The following ZBTB3 variants were observed in gnomAD, a reference collection of about 807,000 sequenced individuals.
The protein encoded by ZBTB3 is zinc finger and BTB domain containing 3, also known as zinc finger and BTB domain-containing protein 3.
Under a neutral mutation model 30.6 loss-of-function variants are expected in ZBTB3, and 15 were observed. That is an observed-to-expected ratio of 0.49 (90% CI 0.33 to 0.75). The LOEUF (loss-of-function observed/expected upper bound fraction) is 0.75. Among genes scored for constraint, ZBTB3 ranks in the 30% least tolerant of loss-of-function variants. The pLI is 0.02. For missense variants in ZBTB3, 599 were observed against 652.1 expected (o/e 0.92, Z 0.89); for synonymous variants, 258 against 261.7 (o/e 0.99, Z 0.14).
Position 62,752,037 on chromosome 11 carries a change from C to T in ZBTB3, c.*53G>A, listed in dbSNP as rs750065665. 85 of 1,517,116 alleles carry T rather than the reference C, an allele frequency of 5.6e-5. No individual in the cohort carries two copies. Among genetic ancestry groups the T allele is most frequent in the Non-Finnish European group, 6.9e-5 (78 of 1,130,852 alleles). 94.0% of individuals were successfully genotyped at this position (1,517,116 alleles called of 1,614,324 possible). A position where few individuals can be genotyped will look rare whatever the true frequency, so the allele number is the denominator to read the frequency against. ...GGGGTGATAAGGTGCCACCAACCTT[C>T]TGAGCTGCCATCTAAGGATGGTAAG... On this transcript the variant is annotated 3_prime_UTR_variant, in exon 2 of 2. Coordinates refer to ENST00000394807, the MANE Select transcript of ZBTB3 (RefSeq NM_001370809.1).
chr11:62,753,222 C>T lies in ZBTB3; in HGVS notation c.443G>A (p.Ser148Asn). ...SQLPSLEFLSSTSRGTQPSLA... is the reference protein window; with the variant it reads ...SQLPSLEFLSNTSRGTQPSLA... ...CGAAGGTTGGGTGCCACGGGAAGTA[C>T]TAGACAAAAACTCCAAACTAGGAAG... is the stretch of plus-strand genomic sequence containing the variant. Residue 148 changes from serine to asparagine, a missense_variant, in exon 2 of 2, where the codon AGT becomes AAT. By Grantham distance (46) the Ser-to-Asn change is conservative. Transcript: ENST00000394807. 1 of 1,614,184 alleles carries T rather than the reference C, an allele frequency of 6.2e-7. No homozygotes were observed. The highest frequency in any genetic ancestry group is 8.5e-7 in the Non-Finnish European group (1 of 1,180,032).
Position 62,752,556 on chromosome 11 carries a change from T to G in ZBTB3, c.1109A>C (p.His370Pro). ...PSDHFLPTDP[H>P]LPYHLLPGAG... ...ACCTGGCAGCAGATGGTAGGGTAGA[T>G]GAGGGTCTGTTGGCAGGAAGTGGTC... The change falls in exon 2 of 2, where the codon CAT becomes CCT. Residue 370 changes from histidine (H) to proline (P), a missense_variant. Coordinates refer to ENST00000394807, the MANE Select transcript of ZBTB3 (RefSeq NM_001370809.1). 2 of 1,614,152 alleles carry G rather than the reference T, an allele frequency of 1.2e-6. No homozygotes were observed. Among genetic ancestry groups the G allele is most frequent in the Non-Finnish European group, 1.7e-6 (2 of 1,180,032 alleles).
rs1055628769 is a variant in ZBTB3, at chr11:62,751,332, G to C, written c.*758C>G. 6.6e-6 allele frequency: 1 copy of C among 151,884 alleles called. No individual in the cohort carries two copies. The highest frequency in any genetic ancestry group is 1.5e-5 in the Non-Finnish European group (1 of 68,040). The allele number at this position is 151,884 out of a possible 1,614,324, so 9.4% of individuals were successfully genotyped here. On this transcript the variant is annotated 3_prime_UTR_variant, in exon 2 of 2. Transcript: ENST00000394807. ...AAGAGAATCGCTTGAGGCCAGGCAC[G>C]GTGGCTCAAGCCTGTAATCCCAGCA...
Position 62,752,668 on chromosome 11 carries a change from C to T in ZBTB3, c.997G>A (p.Gly333Arg). Reference protein sequence around the residue: ...PQGPERAFPSGGAVYGAQPSQ... With the variant: ...PQGPERAFPSRGAVYGAQPSQ... ...GGCTGTGCCCCATACACTGCTCCTC[C>T]AGATGGGAAAGCTCTCTCAGGACCC... Residue 333 changes from glycine (G) to arginine (R), a missense_variant, in exon 2 of 2, where the codon GGA (glycine) becomes AGA (arginine). By Grantham distance (125) the Gly-to-Arg change is moderately radical. Transcript: ENST00000394807. The T allele has an allele frequency of 1.9e-6, 3 of 1,614,210 alleles. No individual in the cohort carries two copies. Among genetic ancestry groups the T allele is most frequent in the Non-Finnish European group, 2.5e-6 (3 of 1,180,038 alleles).
chr11:62,753,876 A>T, intron 1 of ZBTB3, 88 bp downstream of exon 1: 1 of 1,577,162 alleles, frequency 6.3e-7, no homozygotes. Context: ...ACCTCGGCCT[A>T]ACCTTAGAAC....
At position 62,752,286 on chromosome 11, in the gene ZBTB3, G is replaced by A. The variant is rs2084019910; in HGVS notation, c.1379C>T (p.Thr460Met). The A allele has an allele frequency of 6.2e-7, 1 of 1,614,170 alleles. No individual in the cohort carries two copies. The highest frequency in any genetic ancestry group is 8.5e-7 in the Non-Finnish European group (1 of 1,180,032). ...GTGGCGGTAGAGGTCCCCTGACTGCGTGTAGCTCCGCAGGCAGTAGCGGCA... is the reference window on the plus strand; with the variant it reads ...GTGGCGGTAGAGGTCCCCTGACTGCATGTAGCTCCGCAGGCAGTAGCGGCA... ...YECRYCLRSY[T>M]QSGDLYRHIR... The change falls in exon 2 of 2, where the codon ACG (threonine) becomes ATG (methionine). Residue 460 changes from threonine to methionine, a missense_variant. Thr to Met is a moderately conservative substitution (Grantham distance 81). Coordinates refer to ENST00000394807, the MANE Select transcript of ZBTB3 (RefSeq NM_001370809.1).
chr11:62,752,333 G>A lies in ZBTB3; in HGVS notation c.1332C>T (p.His444=), dbSNP rs1321966472. The A allele has an allele frequency of 5.0e-6, 8 of 1,614,072 alleles. No individual in the cohort carries two copies. Among genetic ancestry groups the A allele is most frequent in the Non-Finnish European group, 6.8e-6 (8 of 1,180,046 alleles). ...SYTLRRHATV[H]TRERPYECRY... Reference sequence around the variant, plus strand: ...GGCACTCATAGGGTCGCTCACGTGTGTGCACCGTGGCATGTCGCCGTAGTG... The same window carrying A: ...GGCACTCATAGGGTCGCTCACGTGTATGCACCGTGGCATGTCGCCGTAGTG... Residue 444 remains histidine, a synonymous_variant, in exon 2 of 2, where the codon CAC becomes CAT. Transcript: ENST00000394807.
At position 62,753,960 on chromosome 11, in the gene ZBTB3, C is replaced by G; in HGVS notation, c.-52+4G>C. The G allele has an allele frequency of 1.2e-6, 2 of 1,614,004 alleles. No homozygotes were observed. Among genetic ancestry groups the G allele is most frequent in the Non-Finnish European group, 1.7e-6 (2 of 1,179,986 alleles). ...TAGCCACCCTCCGCTTCCTTGATGC[C>G]CACCCGGTAGCGTCCAACGGCTCCA... On this transcript the variant is annotated splice_donor_region_variant and intron_variant, in intron 1 of 1. Transcript: ENST00000394807.
Position 62,753,431 on chromosome 11 carries a change from C to G in ZBTB3, c.234G>C (p.Leu78=). The change falls in exon 2 of 2, where the codon CTG becomes CTC. Residue 78 remains leucine (L), a synonymous_variant. Coordinates refer to ENST00000394807, the MANE Select transcript of ZBTB3 (RefSeq NM_001370809.1). ...GGCCAGCATACATAAAGTCCAGAAG[C>G]AGCCCAAAGGCTGGGGCTGTGACAA... ...NEIVTAPAFG[L]LLDFMYAGQL... 8 of 1,614,196 alleles carry G rather than the reference C, an allele frequency of 5.0e-6. No homozygotes were observed. Among genetic ancestry groups the G allele is most frequent in the Non-Finnish European group, 6.8e-6 (8 of 1,180,036 alleles).
chr11:62,754,160 C>T lies in ZBTB3; in HGVS notation c.-248G>A. On this transcript the variant is annotated 5_prime_UTR_variant, in exon 1 of 2. Coordinates refer to ENST00000394807, the MANE Select transcript of ZBTB3 (RefSeq NM_001370809.1). ...CACCGAGCAGCCACAGGGCGAGCTC[C>T]GCCCCTTCCCACCTTCTCAGCTTTA... 1 of 1,179,950 alleles carries T rather than the reference C, an allele frequency of 8.5e-7. No individual in the cohort carries two copies. The highest frequency in any genetic ancestry group is 1.3e-6 in the Non-Finnish European group (1 of 793,398). The allele number at this position is 1,179,950 out of a possible 1,614,324, so 73.1% of individuals were successfully genotyped here. A position where few individuals can be genotyped will look rare whatever the true frequency, so the allele number is the denominator to read the frequency against.
Position 62,752,622 on chromosome 11 carries a change from T to C in ZBTB3, c.1043A>G (p.Glu348Gly). 6.2e-7 allele frequency: 1 copy of C among 1,614,198 alleles called. No homozygotes were observed. Among genetic ancestry groups the C allele is most frequent in the Admixed American group, 1.7e-5 (1 of 60,010 alleles). ...CTCCAGTCCTGCTGCCCCTGGGTCT[T>C]CAAAAGCCTCTGGCTGGGAGGGCTG... ...GAQPSQPEAF[E>G]DPGAAGLEEV... Residue 348 changes from glutamate to glycine, a missense_variant, in exon 2 of 2, where the codon GAA (glutamate) becomes GGA (glycine). Coordinates refer to ENST00000394807, the MANE Select transcript of ZBTB3 (RefSeq NM_001370809.1).
Position 62,751,858 on chromosome 11 carries a change from C to G in ZBTB3, c.*232G>C, listed in dbSNP as rs189298672. The G allele has an allele frequency of 4.8e-4, 165 of 345,286 alleles. No individual in the cohort carries two copies. Among genetic ancestry groups the G allele is most frequent in the Non-Finnish European group, 7.8e-4 (151 of 192,386 alleles). 21.4% of individuals were successfully genotyped at this position (345,286 alleles called of 1,614,324 possible). On this transcript the variant is annotated 3_prime_UTR_variant, in exon 2 of 2. Coordinates refer to ENST00000394807, the MANE Select transcript of ZBTB3 (RefSeq NM_001370809.1). The stretch of plus-strand genomic sequence containing the variant: ...GCTGAGGCAGGAGAATGGCGTGAAT[C>G]GGGGAGGCTGAGCTTGCAGTGAGCC...
Position 62,753,405 on chromosome 11 carries a change from T to A in ZBTB3, c.260A>T (p.Gln87Leu), listed in dbSNP as rs763243169. 1.2e-6 allele frequency: 2 copies of A among 1,614,142 alleles called. No individual in the cohort carries two copies. The highest frequency in any genetic ancestry group is 1.7e-6 in the Non-Finnish European group (2 of 1,180,016). ...AGGGGTATCCCCTCTCAGGGTCAGC[T>A]GGCCAGCATACATAAAGTCCAGAAG... ...GLLLDFMYAG[Q>L]LTLRGDTPVE... is the part of the protein sequence containing the mutation. Residue 87 changes from glutamine (Q) to leucine (L), a missense_variant, in exon 2 of 2, where the codon CAG (glutamine) becomes CTG (leucine). Coordinates refer to ENST00000394807, the MANE Select transcript of ZBTB3 (RefSeq NM_001370809.1).
Position 62,753,725 on chromosome 11 carries a change from A to T in ZBTB3, c.-51-10T>A. ...CCCCACCAGTGGCTCCCTGAGAAAAAAGGGCAGTGAGTTAAGACAGGTAAC... is the reference window on the plus strand; with the variant it reads ...CCCCACCAGTGGCTCCCTGAGAAAATAGGGCAGTGAGTTAAGACAGGTAAC... On this transcript the variant is annotated splice_polypyrimidine_tract_variant and intron_variant, in intron 1 of 1. Transcript: ENST00000394807. The T allele has an allele frequency of 6.3e-7, 1 of 1,587,022 alleles. No individual in the cohort carries two copies.
Position 62,753,442 on chromosome 11 carries a change from C to T in ZBTB3, c.223G>A (p.Ala75Thr). The T allele has an allele frequency of 6.2e-7, 1 of 1,614,248 alleles. No homozygotes were observed. The highest frequency in any genetic ancestry group is 8.5e-7 in the Non-Finnish European group (1 of 1,180,048). Residue 75 changes from alanine to threonine, a missense_variant, in exon 2 of 2, where the codon GCC becomes ACC. Ala to Thr is a moderately conservative substitution (Grantham distance 58, BLOSUM62 0). Coordinates refer to ENST00000394807, the MANE Select transcript of ZBTB3 (RefSeq NM_001370809.1). ...CIHNEIVTAP[A>T]FGLLLDFMYA... is the part of the protein sequence containing the mutation. Reference sequence around the variant, plus strand: ...ATAAAGTCCAGAAGCAGCCCAAAGGCTGGGGCTGTGACAATTTCATTGTGA... The same window carrying T: ...ATAAAGTCCAGAAGCAGCCCAAAGGTTGGGGCTGTGACAATTTCATTGTGA...
At position 62,753,217 on chromosome 11, in the gene ZBTB3, A is replaced by G; in HGVS notation, c.448T>C (p.Ser150Pro). Residue 150 changes from serine to proline, a missense_variant, in exon 2 of 2, where the codon TCC (serine) becomes CCC (proline). Ser to Pro is a moderately conservative substitution (Grantham distance 74). Coordinates refer to ENST00000394807, the MANE Select transcript of ZBTB3 (RefSeq NM_001370809.1). ...LPSLEFLSSTSRGTQPSLASA... is the reference protein window; with the variant it reads ...LPSLEFLSSTPRGTQPSLASA... ...GCCAACGAAGGTTGGGTGCCACGGG[A>G]AGTACTAGACAAAAACTCCAAACTA... 1.2e-6 allele frequency: 2 copies of G among 1,614,168 alleles called. No individual in the cohort carries two copies. Among genetic ancestry groups the G allele is most frequent in the Non-Finnish European group, 1.7e-6 (2 of 1,180,030 alleles).
Position 62,752,148 on chromosome 11 carries a change from CTCTG to C in ZBTB3, c.1513_1516del (p.Gln505AlafsTer23), listed in dbSNP as rs764183408. The C allele has an allele frequency of 1.4e-5, 23 of 1,614,004 alleles. No individual in the cohort carries two copies. The highest frequency in any genetic ancestry group is 1.6e-4 in the Middle Eastern group (1 of 6,062). On this transcript the variant is annotated frameshift_variant, in exon 2 of 2. Transcript: ENST00000394807. LOFTEE classifies it high-confidence loss of function. ...TTTAGGTGGCCCTCCACCACTGCTG[CTCTG>C]TCTGTCTGCTGTTGGGGAGCCAGGG...
chr11:62,753,907 A>C (rs1024611468), intron 1 of ZBTB3, 57 bp downstream of exon 1: 2 of 1,593,784 alleles, frequency 1.3e-6, no homozygotes, highest in African/African-American at 2.7e-5. Flanking sequence ...CCCGTCCGAT[A>C]AGCCCTGCCC....
Position 62,752,543 on chromosome 11 carries a change from A to G in ZBTB3, c.1122T>C (p.His374=). 1 of 1,614,140 alleles carries G rather than the reference A, an allele frequency of 6.2e-7. No individual in the cohort carries two copies. The highest frequency in any genetic ancestry group is 8.5e-7 in the Non-Finnish European group (1 of 1,180,028). Residue 374 remains histidine (H), a synonymous_variant, in exon 2 of 2, where the codon CAT becomes CAC. Transcript: ENST00000394807. ...FLPTDPHLPY[H]LLPGAGQYHR... ...GATACTGCCCTGCACCTGGCAGCAGATGGTAGGGTAGATGAGGGTCTGTTG... is the reference window on the plus strand; with the variant it reads ...GATACTGCCCTGCACCTGGCAGCAGGTGGTAGGGTAGATGAGGGTCTGTTG...
Sources: gnomAD v4.1 joint callset for allele counts on GRCh38, gnomAD v4.1.1 for gene constraint, MANE v1.5 for transcripts, NCBI Gene and HGNC (gene_info 2026-07-23, HGNC 2026-07-21) for gene names.